The following CIAPIN1 variants were observed in gnomAD, a reference collection of about 807,000 sequenced individuals.
CIAPIN1 encodes the protein anamorsin.
CIAPIN1 carries 18 observed loss-of-function variants against 34.3 expected under a neutral mutation model. The observed-to-expected ratio is 0.52, with a 90% CI of 0.36 to 0.78. CIAPIN1 has a LOEUF of 0.78. CIAPIN1 is among the 30% of genes least tolerant of loss of function. CIAPIN1 has a pLI of 0.00. For missense variants in CIAPIN1, 310 were observed against 372.5 expected (o/e 0.83, Z 1.38); for synonymous variants, 131 against 140.4 (o/e 0.93, Z 0.47).
chr16:57,440,255 T>C (rs1903298808), intron 2 of CIAPIN1, among the ~76,000 whole-genome samples: 1 of 152,234 alleles, frequency 6.6e-6, no homozygotes, highest in Non-Finnish European at 1.5e-5. Flanking sequence ...TTTCAAACCC[T>C]GTCTCCTGAT....
intron 3 of CIAPIN1, among the ~76,000 whole-genome samples, chr16:57,437,448 A>G (rs1306834389): frequency 6.6e-6 from 1 of 152,012 alleles, no homozygotes; most frequent in Non-Finnish European, 1.5e-5. Flanking sequence ...TCTTAATAGT[A>G]TTTATCAGGA....
In CIAPIN1 at chr16:57,432,472, A is replaced by G. The variant is rs765531324; in HGVS notation, c.630+15T>C. The G allele has an allele frequency of 1.4e-5, 22 of 1,612,912 alleles. No individual in the cohort carries two copies. The highest frequency in any genetic ancestry group is 1.9e-5 in the Non-Finnish European group (22 of 1,179,248). Reference sequence around the variant, plus strand: ...CCTGAAAGAAAGCAATCAAGTGACAATGCTGCCAGCTCACCATGCTGTCGT... The same window carrying G: ...CCTGAAAGAAAGCAATCAAGTGACAGTGCTGCCAGCTCACCATGCTGTCGT... On this transcript the variant is annotated intron_variant, in intron 6 of 8. Coordinates refer to ENST00000394391, the MANE Select transcript of CIAPIN1 (RefSeq NM_020313.4).
chr16:57,435,379 T>C lies in CIAPIN1; in HGVS notation c.388-1167A>G, dbSNP rs533502620. 1.4e-4 allele frequency among the ~76,000 whole-genome samples: 21 copies of C among 152,348 alleles called. No individual in the cohort carries two copies. The South Asian group carries it at 4.3e-3, about 32-fold the overall frequency. On this transcript the variant is annotated intron_variant, in intron 4 of 8. Coordinates refer to ENST00000394391, the MANE Select transcript of CIAPIN1 (RefSeq NM_020313.4). Reference sequence around the variant, plus strand: ...CTTGTCTTTATAAATTATTCAGTCTTAGGTATTCCTTTATAGGAACAGAAG... The same window carrying C: ...CTTGTCTTTATAAATTATTCAGTCTCAGGTATTCCTTTATAGGAACAGAAG...
chr16:57,440,382 T>G (rs1903301681), intron 2 of CIAPIN1, among the ~76,000 whole-genome samples: 1 of 152,180 alleles, frequency 6.6e-6, no homozygotes, highest in Non-Finnish European at 1.5e-5. Context: ...GTGAAGCATG[T>G]GATCTCTGTG....
intron 8 of CIAPIN1, 83 bp from the exon 9 acceptor site, chr16:57,429,363 G>A: frequency 1.2e-6 from 1 of 851,872 alleles, no homozygotes; most frequent in Middle Eastern, 2.2e-4. Flanking sequence ...ATTTCATAAT[G>A]TGGCCACAGT....
At chr16:57,436,441 G>C (rs1300086306) in intron 4 of CIAPIN1, among the ~76,000 whole-genome samples, 1 of 152,032 alleles carries the variant, frequency 6.6e-6, no homozygotes, top group Admixed American at 6.6e-5. Flanking sequence ...TGTTAGCCAG[G>C]ATGGTCTCGA....
intron 3 of CIAPIN1, among the ~76,000 whole-genome samples, chr16:57,438,522 T>A (rs1232286866): frequency 2.0e-5 from 3 of 152,196 alleles, no homozygotes; most frequent in Non-Finnish European, 2.9e-5. Flanking sequence ...ACCGGGAAAT[T>A]GATATTGATG....
At chr16:57,438,459 A>G (rs940904580) in intron 3 of CIAPIN1, among the ~76,000 whole-genome samples, 3 of 152,246 alleles carry the variant, frequency 2.0e-5, no homozygotes, top group Non-Finnish European at 4.4e-5. Flanking sequence ...GGAGGTCTTC[A>G]CTTCGTCCCT....
chr16:57,434,359 C>T, intron 4 of CIAPIN1, 147 bp from the exon 5 acceptor site: 1 of 697,128 alleles, frequency 1.4e-6, no homozygotes, highest in Non-Finnish European at 2.4e-6. Flanking sequence ...GCCTCACATT[C>T]AGTTTCTCAC....
rs187185409 is a variant in CIAPIN1 at position 57,438,049 on chromosome 16, T to C, written c.310+1133A>G. ...CTGAATAGTTCCTTTTTTATCTCTG[T>C]ATAGTTCTAAGACACTACATTTAGT... On this transcript the variant is annotated intron_variant, in intron 3 of 8. Coordinates refer to ENST00000394391, the MANE Select transcript of CIAPIN1 (RefSeq NM_020313.4). Among the ~76,000 whole-genome samples, 47 of 152,340 alleles carry C rather than the reference T, an allele frequency of 3.1e-4. No homozygotes were observed. In the East Asian group the frequency reaches 8.7e-3, roughly 28 times the overall value.
chr16:57,446,283 C>T (rs1310994988), intron 1 of CIAPIN1, among the ~76,000 whole-genome samples: 5 of 152,192 alleles, frequency 3.3e-5, no homozygotes, highest in African/African-American at 9.7e-5. Flanking sequence ...ATGGATAGAA[C>T]TCAGAAACAA....
At chr16:57,447,211 G>A in intron 1 of CIAPIN1, 131 bp downstream of exon 1, 1 of 342,232 alleles carries the variant, frequency 2.9e-6, no homozygotes, top group Non-Finnish European at 5.2e-6. Flanking sequence ...GCTTTCAGCG[G>A]GGCGGCCGTG....
At chr16:57,430,511 A>G in intron 7 of CIAPIN1, 172 bp from the exon 8 acceptor site, 1 of 623,552 alleles carries the variant, frequency 1.6e-6, no homozygotes, top group Non-Finnish European at 2.9e-6. Flanking sequence ...GGGAGACAGA[A>G]GTGGGAGGAG....
intron 3 of CIAPIN1, among the ~76,000 whole-genome samples, chr16:57,438,757 C>T (rs561948385): frequency 7.2e-5 from 11 of 152,294 alleles, no homozygotes; most frequent in South Asian, 4.1e-4. Flanking sequence ...TGATCTCCAC[C>T]GCCACAATTT....
At chr16:57,438,268 C>CT (rs1903247387) in intron 3 of CIAPIN1, among the ~76,000 whole-genome samples, 1 of 152,218 alleles carries the variant, frequency 6.6e-6, no homozygotes, top group African/African-American at 2.4e-5. Flanking sequence ...TTGAATCACT[C>CT]TGACAGCTAT....
chr16:57,436,374 T>C (rs1196851403), intron 4 of CIAPIN1, among the ~76,000 whole-genome samples: 9 of 152,110 alleles, frequency 5.9e-5, no homozygotes, highest in African/African-American at 1.9e-4. Flanking sequence ...ACTACAGGCG[T>C]CTGCCACCAG....
chr16:57,433,551 G>GCA (rs1567570698), intron 5 of CIAPIN1: 2 of 184,288 alleles, frequency 1.1e-5, no homozygotes, highest in African/African-American at 4.8e-5. Flanking sequence ...GTGCGTGCGC[G>GCA]TGCGTGCACG....
chr16:57,443,132 TG>T (rs143558511), intron 1 of CIAPIN1, among the ~76,000 whole-genome samples: 8 of 142,546 alleles, frequency 5.6e-5, no homozygotes, highest in South Asian at 2.3e-4. Flanking sequence ...ATTCTGGTTT[TG>T]TTTTTTTTTT....
intron 8 of CIAPIN1, among the ~76,000 whole-genome samples, chr16:57,429,960 A>G (rs541138772): frequency 6.6e-6 from 1 of 152,140 alleles, no homozygotes; most frequent in Non-Finnish European, 1.5e-5. Context: ...TCTATATTCT[A>G]TGCAGTTCAA....
Sources: allele counts gnomAD v4.1 joint callset (sites outside exome capture counted in the v4.1 genomes callset), GRCh38; gene constraint gnomAD v4.1.1; transcripts MANE v1.5; gene names NCBI Gene and HGNC (gene_info 2026-07-23, HGNC 2026-07-21).